The following OPA1 variants were observed in gnomAD, a reference collection of about 807,000 sequenced individuals.
OPA1 encodes the protein OPA1 mitochondrial dynamin like GTPase.
OPA1 carries 59 observed loss-of-function variants against 152.9 expected under a neutral mutation model. That is an observed-to-expected ratio of 0.39 (90% CI 0.31 to 0.48). OPA1 has a LOEUF of 0.48. Among genes scored for constraint, OPA1 ranks in the 20% least tolerant of loss-of-function variants. The pLI, the probability that OPA1 is intolerant of heterozygous loss-of-function variation, is 0.96. For synonymous variants in OPA1, 400 were observed against 389.9 expected (o/e 1.03, Z -0.31); for missense variants, 1,008 against 1,216.8 (o/e 0.83, Z 2.55).
intron 11 of OPA1, among the ~76,000 whole-genome samples, chr3:193,641,863 C>T (rs887765870): frequency 1.3e-5 from 2 of 152,142 alleles, no homozygotes; most frequent in African/African-American, 4.8e-5. Flanking sequence ...GCCTGTAATC[C>T]CAGCACTTTG....
intron 29 of OPA1, chr3:193,668,323 T>C (rs1304433525): frequency 6.5e-7 from 1 of 1,550,210 alleles, no homozygotes; most frequent in Admixed American, 2.0e-5. Context: ...AGAAATGTTC[T>C]TTTTCCCCAG....
chr3:193,691,929 A>C, intron 29 of OPA1, 134 bp from the exon 30 acceptor site: 1 of 608,508 alleles, frequency 1.6e-6, no homozygotes, highest in Non-Finnish European at 3.0e-6. Flanking sequence ...TTTGGGTAAA[A>C]GGTGGTATGG....
intron 3 of OPA1, 21 bp from the exon 4 acceptor site, chr3:193,617,157 A>C (rs75213840): frequency 2.9e-6 from 4 of 1,377,328 alleles, no homozygotes; most frequent in Non-Finnish European, 4.1e-6. Context: ...TTCATACTCT[A>C]TATGTTTTGA....
intron 30 of OPA1, among the ~76,000 whole-genome samples, chr3:193,694,206 A>G (rs1370604087): frequency 6.6e-6 from 1 of 152,230 alleles, no homozygotes. Context: ...CTGCAGATGC[A>G]TTTAAAAGAA....
At chr3:193,630,622 G>T (rs1028514620) in intron 7 of OPA1, among the ~76,000 whole-genome samples, 2 of 152,154 alleles carry the variant, frequency 1.3e-5, no homozygotes, top group African/African-American at 4.8e-5. Flanking sequence ...GGATTTAAAT[G>T]AAGAAGAATA....
chr3:193,694,114 C>T (rs943242655), intron 30 of OPA1, among the ~76,000 whole-genome samples: 1 of 152,174 alleles, frequency 6.6e-6, no homozygotes, highest in East Asian at 1.9e-4. Context: ...GTCTCTAAGA[C>T]CCTTTTCAAC....
chr3:193,611,654 C>A (rs382300), intron 1 of OPA1, among the ~76,000 whole-genome samples: 1 of 149,030 alleles, frequency 6.7e-6, no homozygotes, highest in Non-Finnish European at 1.5e-5. Context: ...AGTCACATCT[C>A]TAACTTCCCA....
intron 7 of OPA1, chr3:193,628,734 C>T (rs1294518715): frequency 6.6e-6 from 1 of 152,070 alleles, no homozygotes; most frequent in Non-Finnish European, 1.5e-5. Context: ...AAATATACCC[C>T]AATTGCTAGT....
intron 29 of OPA1, among the ~76,000 whole-genome samples, chr3:193,671,816 A>G (rs1406483165): frequency 6.6e-6 from 1 of 152,204 alleles, no homozygotes; most frequent in African/African-American, 2.4e-5. Context: ...GGGTCATGTG[A>G]AAGTACTTTA....
intron 6 of OPA1, among the ~76,000 whole-genome samples, chr3:193,622,182 T>A (rs1730212757): frequency 6.6e-6 from 1 of 151,462 alleles, no homozygotes; most frequent in Non-Finnish European, 1.5e-5. Context: ...AATTATTAAA[T>A]TATAATACAT....
intron 13 of OPA1, 80 bp from the exon 14 acceptor site, chr3:193,643,293 G>T: frequency 8.7e-7 from 1 of 1,146,268 alleles, no homozygotes; most frequent in Admixed American, 1.7e-5. Flanking sequence ...AGAATTTTTA[G>T]AATACATTTC....
intron 16 of OPA1, among the ~76,000 whole-genome samples, chr3:193,644,867 T>C (rs1734310078): frequency 6.6e-6 from 1 of 152,206 alleles, no homozygotes; most frequent in Non-Finnish European, 1.5e-5. Context: ...CAGCATTAGC[T>C]TAGGTGTAAC....
At chr3:193,609,684 G>GT (rs1209875275) in intron 1 of OPA1, among the ~76,000 whole-genome samples, 1 of 152,164 alleles carries the variant, frequency 6.6e-6, no homozygotes. Flanking sequence ...CCAATCAGAC[G>GT]TAGATTTGGT....
intron 19 of OPA1, among the ~76,000 whole-genome samples, chr3:193,647,528 T>C (rs573871362): frequency 6.6e-6 from 1 of 152,352 alleles, no homozygotes; most frequent in Admixed American, 6.5e-5. Context: ...GAACTTCCTT[T>C]ACTTGGCACC....
intron 6 of OPA1, among the ~76,000 whole-genome samples, chr3:193,619,355 T>G (rs1406958171): frequency 6.6e-6 from 1 of 152,180 alleles, no homozygotes; most frequent in Non-Finnish European, 1.5e-5. Flanking sequence ...CAGAACCCTT[T>G]TGCTCATGGA....
intron 1 of OPA1, among the ~76,000 whole-genome samples, chr3:193,611,305 A>G (rs1273725114): frequency 6.6e-6 from 1 of 152,168 alleles, no homozygotes; most frequent in Non-Finnish European, 1.5e-5. Flanking sequence ...GTCTTCTCAA[A>G]ATGCTTAGCT....
intron 11 of OPA1, among the ~76,000 whole-genome samples, chr3:193,640,968 T>A (rs1733696461): frequency 6.6e-6 from 1 of 152,186 alleles, no homozygotes; most frequent in South Asian, 2.1e-4. Flanking sequence ...TGTTATGTGT[T>A]ACTAGTTCTG....
At chr3:193,621,416 G>A (rs1730051571) in intron 6 of OPA1, among the ~76,000 whole-genome samples, 1 of 152,180 alleles carries the variant, frequency 6.6e-6, no homozygotes, top group African/African-American at 2.4e-5. Flanking sequence ...GGTTACTACT[G>A]GAGTTTTAGG....
chr3:193,670,617 C>T (rs1199337997), intron 29 of OPA1, among the ~76,000 whole-genome samples: 19 of 152,146 alleles, frequency 1.2e-4, no homozygotes, highest in Non-Finnish European at 7.3e-5. Context: ...CCGCCCGCCT[C>T]GGCCTCCCAA....
Sources: gnomAD v4.1 joint callset for allele counts (sites outside exome capture counted in the v4.1 genomes callset) on GRCh38, gnomAD v4.1.1 for gene constraint, MANE v1.5 for transcripts, NCBI Gene and HGNC (gene_info 2026-07-23, HGNC 2026-07-21) for gene names.